The following CEP128 variants were observed in gnomAD, a reference collection of about 807,000 sequenced individuals.
CEP128 encodes the protein centrosomal protein 128kDa.
In CEP128, 132 loss-of-function variants were observed where a neutral mutation model predicts 156.7. The ratio of observed to expected loss-of-function variants is 0.84; its 90% confidence interval spans 0.73 to 0.97. The LOEUF (loss-of-function observed/expected upper bound fraction) is 0.97, where lower values mean the gene tolerates loss of function less well. CEP128 is among the 50% of genes least tolerant of loss of function. CEP128 has a pLI of 0.00. For missense variants in CEP128, 1,252 were observed against 1,281.9 expected (o/e 0.98, Z 0.36); for synonymous variants, 469 against 448.9 (o/e 1.04, Z -0.57).
chr14:80,924,451 G>A (rs1437160307), intron 2 of CEP128, among the ~76,000 whole-genome samples: 2 of 152,180 alleles, frequency 1.3e-5, no homozygotes, highest in East Asian at 3.9e-4. Context: ...AAAGATGAAA[G>A]TAAATAAATA....
At chr14:80,520,436 AC>A (rs1362266119) in intron 23 of CEP128, among the ~76,000 whole-genome samples, 10 of 113,864 alleles carry the variant, frequency 8.8e-5, no homozygotes, top group African/African-American at 2.7e-4. Flanking sequence ...AAACAAACAA[AC>A]AAACAAAAAA....
At chr14:80,531,066 G>T in intron 21 of CEP128, 180 bp from the exon 22 acceptor site, 1 of 339,970 alleles carries the variant, frequency 2.9e-6, no homozygotes. Context: ...GAAAATAGAA[G>T]AATTATTTCC....
At chr14:80,739,631 T>C (rs1447968300) in intron 19 of CEP128, among the ~76,000 whole-genome samples, 1 of 152,008 alleles carries the variant, frequency 6.6e-6, no homozygotes, top group African/African-American at 2.4e-5. Flanking sequence ...CACAAAGTTT[T>C]AATATTCTTT....
chr14:80,774,639 G>A (rs964400470), intron 16 of CEP128, among the ~76,000 whole-genome samples: 1 of 149,766 alleles, frequency 6.7e-6, no homozygotes, highest in Non-Finnish European at 1.5e-5. Flanking sequence ...GTGTGTGTAT[G>A]TGTGTGTGTG....
intron 17 of CEP128, among the ~76,000 whole-genome samples, chr14:80,761,185 CTCTTA>C (rs1055290559): frequency 6.6e-6 from 1 of 151,358 alleles, no homozygotes; most frequent in Non-Finnish European, 1.5e-5. Context: ...AGGGCTACCT[CTCTTA>C]TAAGATTTTT....
At chr14:80,538,885 C>A (rs1437889430) in intron 21 of CEP128, among the ~76,000 whole-genome samples, 1 of 152,210 alleles carries the variant, frequency 6.6e-6, no homozygotes, top group African/African-American at 2.4e-5. Flanking sequence ...ACATTGGCAA[C>A]ACTTACTGGA....
upstream of CEP128, among the ~76,000 whole-genome samples, chr14:80,942,063 A>G (rs1279445964): frequency 1.3e-5 from 2 of 151,984 alleles, no homozygotes; most frequent in East Asian, 3.9e-4. Flanking sequence ...TGGGGGACAA[A>G]AGGAGTCCCC....
At chr14:80,658,292 T>C (rs1566839160) in intron 19 of CEP128, among the ~76,000 whole-genome samples, 1 of 152,234 alleles carries the variant, frequency 6.6e-6, no homozygotes, top group East Asian at 1.9e-4. Flanking sequence ...CCTTAGATTG[T>C]ACATCAACAT....
At chr14:80,625,314 T>G (rs1158886294) in intron 19 of CEP128, among the ~76,000 whole-genome samples, 1 of 152,202 alleles carries the variant, frequency 6.6e-6, no homozygotes, top group Non-Finnish European at 1.5e-5. Context: ...TGGGTATTGG[T>G]TTTTATACCA....
exon 7 of CEP128, chr14:80,490,702 A>G (rs1212740597): frequency 6.6e-6 from 1 of 152,196 alleles, no homozygotes; most frequent in Non-Finnish European, 1.5e-5. Context: ...GAGCCTCAGG[A>G]CTGAATCACA....
At chr14:80,542,204 T>C (rs1889794987) in intron 21 of CEP128, among the ~76,000 whole-genome samples, 1 of 152,228 alleles carries the variant, frequency 6.6e-6, no homozygotes, top group Non-Finnish European at 1.5e-5. Context: ...TGTTTACTTG[T>C]CTCTTTCATT....
chr14:80,715,224 G>GA (rs35261659), intron 19 of CEP128, among the ~76,000 whole-genome samples: 9,922 of 145,034 alleles, frequency 0.068, 1,039 homozygotes, highest in African/African-American at 0.23. Flanking sequence ...TCCTGCCTCA[G>GA]AAAAAAAAAA....
At chr14:80,768,075 G>T (rs953916568) in intron 16 of CEP128, among the ~76,000 whole-genome samples, 1 of 152,008 alleles carries the variant, frequency 6.6e-6, no homozygotes, top group African/African-American at 2.4e-5. Context: ...AAGCATTTTT[G>T]AGCACATTAA....
chr14:80,902,843 GC>G (rs1343163005), intron 6 of CEP128, among the ~76,000 whole-genome samples: 1 of 152,124 alleles, frequency 6.6e-6, no homozygotes, highest in African/African-American at 2.4e-5. Flanking sequence ...AGCAGACTTA[GC>G]AGGGCTTACA....
chr14:80,535,561 C>T (rs566408558), intron 21 of CEP128, among the ~76,000 whole-genome samples: 1 of 152,278 alleles, frequency 6.6e-6, no homozygotes, highest in Non-Finnish European at 1.5e-5. Flanking sequence ...GTACTCAGGA[C>T]CACGTGTCTA....
upstream of CEP128, among the ~76,000 whole-genome samples, chr14:80,944,705 C>G (rs1409268921): frequency 6.6e-6 from 1 of 151,452 alleles, no homozygotes; most frequent in Non-Finnish European, 1.5e-5. Flanking sequence ...GCCTGTAGTC[C>G]CAGCTACTTG....
intron 4 of CEP128, among the ~76,000 whole-genome samples, chr14:80,907,467 G>A (rs1883952587): frequency 6.6e-6 from 1 of 151,846 alleles, no homozygotes; most frequent in Admixed American, 6.6e-5. Context: ...AGAATGGCCT[G>A]GCAAACATGG....
chr14:80,729,858 A>G (rs977614), intron 19 of CEP128, among the ~76,000 whole-genome samples: 56,670 of 152,064 alleles, frequency 0.37, 12,716 homozygotes, highest in Non-Finnish European at 0.5. Context: ...TTGGTGAAAT[A>G]TTTATGAGGA....
intron 15 of CEP128, among the ~76,000 whole-genome samples, chr14:80,782,955 G>A (rs1901205158): frequency 6.6e-6 from 1 of 151,888 alleles, no homozygotes; most frequent in Admixed American, 6.6e-5. Context: ...TAGAGTTTGA[G>A]AGTCTCATCC....
Sources: gnomAD v4.1 joint callset for allele counts (sites outside exome capture counted in the v4.1 genomes callset) on GRCh38, gnomAD v4.1.1 for gene constraint, MANE v1.5 for transcripts, NCBI Gene and HGNC (gene_info 2026-07-23, HGNC 2026-07-21) for gene names.